IL1RAPL2: variants seen among roughly 807,000 people sequenced by gnomAD.
The protein encoded by IL1RAPL2 is interleukin 1 receptor accessory protein like 2.
A neutral mutation model predicts 44.1 loss-of-function variants in IL1RAPL2; 3 were observed. The ratio of observed to expected loss-of-function variants is 0.07; its 90% confidence interval spans 0.03 to 0.18. The LOEUF (loss-of-function observed/expected upper bound fraction) is 0.18. Ranked by LOEUF, IL1RAPL2 falls within the 10% of genes least tolerant of loss-of-function variation. IL1RAPL2 has a pLI of 1.00. For missense variants in IL1RAPL2, 391 were observed against 496.4 expected (o/e 0.79, Z 2.02); for synonymous variants, 181 against 178.8 (o/e 1.01, Z -0.10).
intron 5 of IL1RAPL2, among the ~76,000 whole-genome samples, chrX:105,469,593 A>G (rs1428997015): frequency 9.1e-6 from 1 of 110,293 alleles, no homozygotes; most frequent in African/African-American, 3.3e-5. Context: ...GAACTCATGT[A>G]TTAGGTAGGA....
chrX:104,896,685 C>T (rs1206322839), intron 2 of IL1RAPL2, among the ~76,000 whole-genome samples: 2 of 111,841 alleles, frequency 1.8e-5, no homozygotes, highest in African/African-American at 3.3e-5. Flanking sequence ...TAAAAGCTGG[C>T]CACCTGAGCC....
At chrX:104,894,580 G>T (rs1204681394) in intron 2 of IL1RAPL2, among the ~76,000 whole-genome samples, 1 of 111,646 alleles carries the variant, frequency 9.0e-6, no homozygotes, top group African/African-American at 3.3e-5. Context: ...GATCGAATCG[G>T]CTACTGAATC....
chrX:104,657,780 A>G (rs748287677), intron 1 of IL1RAPL2, among the ~76,000 whole-genome samples: 15 of 112,208 alleles, frequency 1.3e-4, no homozygotes, highest in African/African-American at 4.8e-4. Context: ...TTACAAGAAA[A>G]AAAAACCCAT....
intron 2 of IL1RAPL2, among the ~76,000 whole-genome samples, chrX:104,936,190 G>T (rs188397287): frequency 5.5e-4 from 61 of 111,457 alleles, no homozygotes; most frequent in African/African-American, 2.0e-3. Flanking sequence ...CCCTTCTCCT[G>T]TTCCAAAAGA....
intron 5 of IL1RAPL2, among the ~76,000 whole-genome samples, chrX:105,301,034 A>C (rs767394269): frequency 4.3e-4 from 48 of 112,017 alleles, no homozygotes; most frequent in African/African-American, 1.5e-3. Context: ...ACTGTAGACA[A>C]ATAAGAAAAA....
In IL1RAPL2 at chrX:104,636,539, A is replaced by G. The variant is rs372083819; in HGVS notation, c.-19-22356A>G. On this transcript the variant is annotated intron_variant, in intron 1 of 10. Transcript: ENST00000372582. ...TTGTTTGCCTACTCAAGCCTTGGCAATGGCGGGCACCCCTCCCCCAGCCTT... is the reference window on the plus strand; with the variant it reads ...TTGTTTGCCTACTCAAGCCTTGGCAGTGGCGGGCACCCCTCCCCCAGCCTT... 3.8e-4 allele frequency among the ~76,000 whole-genome samples: 43 copies of G among 112,013 alleles called. 3 individuals are homozygous for G. The highest frequency in any genetic ancestry group is 2.6e-3 in the Admixed American group (28 of 10,630).
intron 2 of IL1RAPL2, among the ~76,000 whole-genome samples, chrX:104,755,443 G>A (rs187671293): frequency 7.4e-4 from 81 of 109,569 alleles, no homozygotes; most frequent in African/African-American, 2.6e-3. Flanking sequence ...CCTGAGTGAC[G>A]AGATAATCTG....
At chrX:105,463,083 T>C (rs2036103982) in intron 5 of IL1RAPL2, among the ~76,000 whole-genome samples, 1 of 112,060 alleles carries the variant, frequency 8.9e-6, no homozygotes, top group Admixed American at 9.5e-5. Context: ...ATAAGAATCT[T>C]ATTAATTTGA....
At chrX:104,819,264 G>A (rs761172536) in intron 2 of IL1RAPL2, among the ~76,000 whole-genome samples, 1 of 112,229 alleles carries the variant, frequency 8.9e-6, no homozygotes, top group South Asian at 3.7e-4. Flanking sequence ...ACTTATGATG[G>A]TTCAATTTAT....
intron 2 of IL1RAPL2, among the ~76,000 whole-genome samples, chrX:104,846,528 A>C (rs994656428): frequency 1.8e-5 from 2 of 111,515 alleles, no homozygotes; most frequent in African/African-American, 6.5e-5. Context: ...ACATGAACTC[A>C]TCCTTTTTTA....
intron 2 of IL1RAPL2, among the ~76,000 whole-genome samples, chrX:105,164,495 A>C: frequency 8.9e-6 from 1 of 112,442 alleles, no homozygotes; most frequent in African/African-American, 3.2e-5. Flanking sequence ...AATGTGAATA[A>C]GATAGGTGAA....
chrX:105,534,146 C>A (rs1189700319), intron 6 of IL1RAPL2, among the ~76,000 whole-genome samples: 1 of 111,996 alleles, frequency 8.9e-6, no homozygotes, highest in Non-Finnish European at 1.9e-5. Context: ...CAGTGGCGTG[C>A]TAAAGCTGAC....
At chrX:104,894,828 A>C (rs942901004) in intron 2 of IL1RAPL2, among the ~76,000 whole-genome samples, 3 of 112,344 alleles carry the variant, frequency 2.7e-5, no homozygotes, top group Non-Finnish European at 5.6e-5. Context: ...ATTGCTGGCA[A>C]GGAACTGTGT....
chrX:105,619,752 A>G (rs2037406207), intron 6 of IL1RAPL2, among the ~76,000 whole-genome samples: 4 of 111,211 alleles, frequency 3.6e-5, no homozygotes, highest in Non-Finnish European at 7.6e-5. Flanking sequence ...TATGCTTTGG[A>G]TGTAGATTCA....
chrX:104,573,623 G>T (rs1458478646), intron 1 of IL1RAPL2, among the ~76,000 whole-genome samples: 1 of 111,972 alleles, frequency 8.9e-6, no homozygotes, highest in Non-Finnish European at 1.9e-5. Flanking sequence ...AGACAAATTA[G>T]ATATTTATGT....
chrX:104,900,059 T>G (rs1923768758), intron 2 of IL1RAPL2, among the ~76,000 whole-genome samples: 1 of 111,933 alleles, frequency 8.9e-6, no homozygotes, highest in African/African-American at 3.2e-5. Context: ...CTTCATTATC[T>G]GTTTTATAAA....
At chrX:105,742,939 C>A (rs2038512620) in intron 8 of IL1RAPL2, among the ~76,000 whole-genome samples, 1 of 111,479 alleles carries the variant, frequency 9.0e-6, no homozygotes, top group Non-Finnish European at 1.9e-5. Flanking sequence ...ATGCCAAAAT[C>A]TTTGGAGTCA....
At chrX:105,253,103 C>T (rs1603033294) in intron 4 of IL1RAPL2, among the ~76,000 whole-genome samples, 1 of 111,555 alleles carries the variant, frequency 9.0e-6, no homozygotes, top group South Asian at 3.8e-4. Context: ...CAGTCTGCTC[C>T]AATACATGAA....
chrX:105,759,474 G>A (rs1290784161), intron 10 of IL1RAPL2, among the ~76,000 whole-genome samples: 1 of 111,876 alleles, frequency 8.9e-6, no homozygotes, highest in South Asian at 3.7e-4. Context: ...ATGCATGATT[G>A]CATTCAAGAA....
Sources: gnomAD v4.1 joint callset for allele counts (sites outside exome capture counted in the v4.1 genomes callset) on GRCh38, gnomAD v4.1.1 for gene constraint, MANE v1.5 for transcripts, NCBI Gene and HGNC (gene_info 2026-07-23, HGNC 2026-07-21) for gene names.